SEL1L3: variants seen among roughly 807,000 people sequenced by gnomAD.
SEL1L3 encodes protein sel-1 homolog 3.
A neutral mutation model predicts 142.8 loss-of-function variants in SEL1L3; 76 were observed. That is an observed-to-expected ratio of 0.53 (90% confidence interval 0.44 to 0.64). SEL1L3 has a LOEUF of 0.64. SEL1L3 is among the 30% of genes least tolerant of loss of function. The pLI is 0.00. For missense variants in SEL1L3, 1,262 were observed against 1,381.7 expected (o/e 0.91, Z 1.37); for synonymous variants, 504 against 519.6 (o/e 0.97, Z 0.41).
chr4:25,840,908 C>T (rs974093161), intron 2 of SEL1L3, among the ~76,000 whole-genome samples: 3 of 152,170 alleles, frequency 2.0e-5, no homozygotes, highest in Non-Finnish European at 2.9e-5. Flanking sequence ...CCATCTTTCC[C>T]GTCAAGGAAC....
At chr4:25,849,992 A>G (rs907937243) in intron 1 of SEL1L3, among the ~76,000 whole-genome samples, 1 of 152,162 alleles carries the variant, frequency 6.6e-6, no homozygotes, top group Admixed American at 6.5e-5. Context: ...GCTTTGAGGG[A>G]CGAAAAGAAG....
intron 9 of SEL1L3, among the ~76,000 whole-genome samples, chr4:25,807,173 T>C (rs962260849): frequency 2.0e-5 from 3 of 152,222 alleles, no homozygotes; most frequent in African/African-American, 7.2e-5. Context: ...TTCAATAGTA[T>C]TGCATTCCGT....
At chr4:25,844,393 C>T (rs1368270666) in intron 2 of SEL1L3, among the ~76,000 whole-genome samples, 2 of 152,144 alleles carry the variant, frequency 1.3e-5, no homozygotes. Flanking sequence ...GCATGGAGCT[C>T]CCCACCATTT....
the SEL1L3 span, among the ~76,000 whole-genome samples, chr4:25,737,715 T>A: frequency 6.6e-6 from 1 of 152,200 alleles, no homozygotes; most frequent in Non-Finnish European, 1.5e-5. Flanking sequence ...AAGTCCCTGA[T>A]ATAAAATGAC....
intron 20 of SEL1L3, among the ~76,000 whole-genome samples, chr4:25,764,954 G>A (rs1718613298): frequency 6.6e-6 from 1 of 152,078 alleles, no homozygotes; most frequent in Non-Finnish European, 1.5e-5. Context: ...GGACGGTTAG[G>A]AAGAATTCTG....
intron 17 of SEL1L3, 73 bp from the exon 18 acceptor site, chr4:25,767,903 A>T (rs1403889196): frequency 1.1e-6 from 1 of 932,126 alleles, no homozygotes; most frequent in Non-Finnish European, 1.6e-6. Context: ...TTTACATTCA[A>T]ACATAAGAGG....
At position 25,819,865 on chromosome 4, in the gene SEL1L3, C is replaced by A; in HGVS notation, c.1366G>T (p.Glu456Ter). ...GCAGATGCATACACAGATACTATTT[C>A]TTGAACCTCAGCACACCTTTCATAA... Reference protein sequence around the residue: ...LYYERCAEVQEIVSVYASAAK... With the variant: ...LYYERCAEVQ Residue 456 changes from glutamate to a stop codon, truncating the protein, a stop_gained, in exon 8 of 24, where the codon GAA becomes TAA. Transcript: ENST00000399878. LOFTEE classifies it high-confidence loss of function. 1.2e-6 allele frequency: 2 copies of A among 1,613,646 alleles called. No individual in the cohort carries two copies.
intron 9 of SEL1L3, among the ~76,000 whole-genome samples, chr4:25,816,825 G>T (rs891332503): frequency 3.3e-5 from 5 of 151,956 alleles, no homozygotes; most frequent in African/African-American, 7.3e-5. Context: ...CACCTCTCAG[G>T]GTCTGCTCTG....
intron 9 of SEL1L3, among the ~76,000 whole-genome samples, chr4:25,808,836 G>A (rs62409276): frequency 0.077 from 7,939 of 103,158 alleles, 1 homozygote; most frequent in Middle Eastern, 0.12. Context: ...TTGGGAGGCC[G>A]AGGCGGGCAG....
At chr4:25,764,037 G>C (rs184050362) in intron 20 of SEL1L3, among the ~76,000 whole-genome samples, 1 of 152,190 alleles carries the variant, frequency 6.6e-6, no homozygotes, top group Non-Finnish European at 1.5e-5. Context: ...AGCAAATGTA[G>C]AAGGAATAAG....
intron 16 of SEL1L3, among the ~76,000 whole-genome samples, chr4:25,776,962 C>A (rs552709047): frequency 6.6e-6 from 1 of 151,458 alleles, no homozygotes; most frequent in South Asian, 2.1e-4. Context: ...TAAAACCAAA[C>A]ATATCCATAA....
chr4:25,769,557 C>G (rs1429105292), intron 17 of SEL1L3, among the ~76,000 whole-genome samples: 1 of 152,190 alleles, frequency 6.6e-6, no homozygotes, highest in Non-Finnish European at 1.5e-5. Context: ...CTACAAGAAT[C>G]CTCAGAGCAG....
chr4:25,829,209 G>A lies in SEL1L3; in HGVS notation c.1157+889C>T, dbSNP rs1715282196. 2.0e-5 allele frequency among the ~76,000 whole-genome samples: 3 copies of A among 152,192 alleles called. No individual in the cohort carries two copies. In the South Asian group the frequency reaches 6.2e-4, roughly 31 times the overall value. On this transcript the variant is annotated intron_variant, in intron 6 of 23. Transcript: ENST00000399878. ...GCTGGTCTCAAACTCATAGCCTCAA[G>A]TAATCCACCTGCCTTGGCCTCCCAA...
At chr4:25,714,731 CG>C in the SEL1L3 span, among the ~76,000 whole-genome samples, 7 of 151,652 alleles carry the variant, frequency 4.6e-5, no homozygotes, top group Non-Finnish European at 1.0e-4. Flanking sequence ...CCACCATGCC[CG>C]GCTAATTTTT....
chr4:25,845,999 T>G (rs138045413), intron 2 of SEL1L3, among the ~76,000 whole-genome samples: 1 of 151,976 alleles, frequency 6.6e-6, no homozygotes, highest in South Asian at 2.1e-4. Flanking sequence ...CCTGACTAAG[T>G]AGATGAAGGA....
chr4:25,753,067 T>C (rs1044274726), intron 23 of SEL1L3, among the ~76,000 whole-genome samples: 7 of 152,238 alleles, frequency 4.6e-5, no homozygotes, highest in Admixed American at 1.3e-4. Flanking sequence ...CATAGCTAGC[T>C]ACTGGCAGGG....
chr4:25,725,677 A>C, the SEL1L3 span, among the ~76,000 whole-genome samples: 1 of 152,018 alleles, frequency 6.6e-6, no homozygotes, highest in Non-Finnish European at 1.5e-5. Context: ...ATTGTTCATG[A>C]ATTTTCTGTG....
At chr4:25,841,915 G>A (rs979257404) in intron 2 of SEL1L3, among the ~76,000 whole-genome samples, 1 of 152,126 alleles carries the variant, frequency 6.6e-6, no homozygotes. Context: ...AGCTGAGATC[G>A]CGCCACTGCA....
intron 11 of SEL1L3, among the ~76,000 whole-genome samples, chr4:25,796,174 C>G (rs1019743008): frequency 3.9e-5 from 6 of 152,212 alleles, no homozygotes; most frequent in Non-Finnish European, 4.4e-5. Context: ...TCAGACCACC[C>G]AGGACCAAGC....
Sources: gnomAD v4.1 joint callset for allele counts (sites outside exome capture counted in the v4.1 genomes callset) on GRCh38, gnomAD v4.1.1 for gene constraint, MANE v1.5 for transcripts, NCBI Gene and HGNC (gene_info 2026-07-23, HGNC 2026-07-21) for gene names.